The following NRG3 variants were observed in gnomAD, a reference collection of about 807,000 sequenced individuals.
The protein encoded by NRG3 is pro-neuregulin-3, membrane-bound isoform.
In NRG3, 31 loss-of-function variants were observed where a neutral mutation model predicts 66.9. The ratio of observed to expected loss-of-function variants is 0.46; its 90% CI spans 0.35 to 0.63. The LOEUF (loss-of-function observed/expected upper bound fraction) is 0.63. Ranked by LOEUF, NRG3 falls within the 20% of genes least tolerant of loss-of-function variation. The pLI is 0.00. For missense variants in NRG3, 910 were observed against 878.9 expected (o/e 1.04, Z -0.45); for synonymous variants, 393 against 359.4 (o/e 1.09, Z -1.06).
At chr10:81,899,793 G>A (rs56771040) in intron 1 of NRG3, among the ~76,000 whole-genome samples, 2 of 152,096 alleles carry the variant, frequency 1.3e-5, no homozygotes, top group African/African-American at 2.4e-5. Context: ...ACACTCGGGC[G>A]AAGTCTGTGG....
chr10:82,013,562 G>A (rs1344781741), intron 1 of NRG3, among the ~76,000 whole-genome samples: 6 of 151,878 alleles, frequency 4.0e-5, no homozygotes, highest in Non-Finnish European at 1.5e-5. Flanking sequence ...GAGACTTTAA[G>A]TATTCATGTC....
intron 1 of NRG3, among the ~76,000 whole-genome samples, chr10:82,091,794 C>T (rs1355703500): frequency 1.3e-5 from 2 of 152,178 alleles, no homozygotes; most frequent in East Asian, 3.9e-4. Flanking sequence ...TCTAATTTCT[C>T]CACGTTCTCA....
At chr10:81,898,438 T>C (rs905127423) in intron 1 of NRG3, among the ~76,000 whole-genome samples, 1 of 152,234 alleles carries the variant, frequency 6.6e-6, no homozygotes, top group African/African-American at 2.4e-5. Context: ...TCCCTGCAAC[T>C]GTCAGACTCA....
intron 4 of NRG3, among the ~76,000 whole-genome samples, chr10:82,932,188 G>A (rs1847641436): frequency 6.6e-6 from 1 of 152,066 alleles, no homozygotes; most frequent in Non-Finnish European, 1.5e-5. Context: ...TCCTCTCTAT[G>A]GCGGCTGTTT....
chr10:82,163,970 G>C (rs914792180), intron 1 of NRG3, among the ~76,000 whole-genome samples: 1 of 150,906 alleles, frequency 6.6e-6, no homozygotes, highest in East Asian at 2.0e-4. Flanking sequence ...GCCCAGGTTG[G>C]AGTGGAGTGG....
chr10:82,549,278 A>G (rs2044144810), intron 2 of NRG3, among the ~76,000 whole-genome samples: 1 of 152,348 alleles, frequency 6.6e-6, no homozygotes, highest in South Asian at 2.1e-4. Flanking sequence ...TGAGTTTAAG[A>G]GCAGGTTAAC....
At chr10:82,093,979 T>A (rs182901931) in intron 1 of NRG3, among the ~76,000 whole-genome samples, 419 of 152,288 alleles carry the variant, frequency 2.8e-3, no homozygotes, top group African/African-American at 9.7e-3. Flanking sequence ...ATGTAAAGCC[T>A]CTTCATAGTT....
Position 81,969,473 on chromosome 10 carries a change from CAGAG to C in NRG3, c.823+93321_823+93324del, listed in dbSNP as rs141058138. Among the ~76,000 whole-genome samples, 70 of 150,470 alleles carry C rather than the reference CAGAG, an allele frequency of 4.7e-4. 1 individual carries two copies. The highest frequency in any genetic ancestry group is 1.6e-3 in the African/African-American group (67 of 41,256). Reference sequence around the variant, plus strand: ...AGACAGGAGGGACGAGCAGGGGGAGCAGAGAGAGAGAGAGGAAACAGGCTTCTTG... The same window carrying C: ...AGACAGGAGGGACGAGCAGGGGGAGCAGAGAGAGAGGAAACAGGCTTCTTG... On this transcript the variant is annotated intron_variant, in intron 1 of 8. Transcript: ENST00000372141.
chr10:82,668,016 G>A (rs531470320), intron 2 of NRG3, among the ~76,000 whole-genome samples: 1 of 152,068 alleles, frequency 6.6e-6, no homozygotes, highest in African/African-American at 2.4e-5. Flanking sequence ...GCTCACCAAC[G>A]CAGTTTTTCA....
chr10:82,672,006 T>C (rs2053317588), intron 2 of NRG3, among the ~76,000 whole-genome samples: 3 of 152,228 alleles, frequency 2.0e-5, no homozygotes, highest in Admixed American at 2.0e-4. Flanking sequence ...GGGCCTGAAC[T>C]CTTCTGTTTT....
chr10:82,472,906 T>C (rs1432208336), intron 2 of NRG3, among the ~76,000 whole-genome samples: 1 of 152,198 alleles, frequency 6.6e-6, no homozygotes, highest in Non-Finnish European at 1.5e-5. Context: ...AATGCTGCCT[T>C]TTCTGTGGGT....
intron 1 of NRG3, among the ~76,000 whole-genome samples, chr10:82,310,668 C>T (rs140230775): frequency 6.6e-5 from 10 of 151,764 alleles, no homozygotes; most frequent in Non-Finnish European, 1.3e-4. Context: ...TTTTTCATTG[C>T]GAAATACCGT....
At chr10:82,508,593 G>T (rs946265654) in intron 2 of NRG3, among the ~76,000 whole-genome samples, 3 of 152,162 alleles carry the variant, frequency 2.0e-5, no homozygotes, top group Non-Finnish European at 4.4e-5. Flanking sequence ...ACTCCACAAA[G>T]GTTGGTGGAC....
intron 1 of NRG3, among the ~76,000 whole-genome samples, chr10:82,096,127 C>T (rs2066325488): frequency 1.3e-5 from 2 of 152,134 alleles, no homozygotes; most frequent in Non-Finnish European, 2.9e-5. Flanking sequence ...AGCATGGAAT[C>T]TGTAAGAAAA....
At chr10:82,319,055 A>G (rs992040654) in intron 1 of NRG3, among the ~76,000 whole-genome samples, 1 of 152,216 alleles carries the variant, frequency 6.6e-6, no homozygotes, top group Non-Finnish European at 1.5e-5. Flanking sequence ...GAGAACAAAA[A>G]CCCACCAAAT....
rs973352309 is a variant in NRG3 at position 82,813,503 on chromosome 10, C to T, written c.1028-51908C>T. ...TGGTGGGATTACAGATGTGAGCCAC[C>T]GTGCCCAGCCTGTACCTTTTTAAAT... On this transcript the variant is annotated intron_variant, in intron 3 of 8. Coordinates refer to ENST00000372141, the MANE Select transcript of NRG3 (RefSeq NM_001010848.4). 3.9e-5 allele frequency among the ~76,000 whole-genome samples: 6 copies of T among 152,064 alleles called. No homozygotes were observed. The East Asian group carries it at 5.8e-4, about 15-fold the overall frequency.
rs74571020 is a variant in NRG3 at position 82,741,663 on chromosome 10, C to T, written c.1027+3013C>T. Among the ~76,000 whole-genome samples the T allele has an allele frequency of 3.5e-3, 538 of 152,154 alleles. 5 individuals carry two copies. The highest frequency in any genetic ancestry group is 0.012 in the African/African-American group (510 of 41,524). On this transcript the variant is annotated intron_variant, in intron 3 of 8. Transcript: ENST00000372141. ...CATTTTATAGATGAGAAAATTAGAC[C>T]TCAGGGAAGCTAAGTAAACTTGCTC...
intron 1 of NRG3, among the ~76,000 whole-genome samples, chr10:82,317,275 A>T (rs1243502232): frequency 6.6e-6 from 1 of 151,850 alleles, no homozygotes; most frequent in Non-Finnish European, 1.5e-5. Context: ...TAGTTTGCCA[A>T]GCTAAAGATT....
intron 1 of NRG3, among the ~76,000 whole-genome samples, chr10:81,965,682 C>A (rs2059705303): frequency 6.6e-6 from 1 of 152,056 alleles, no homozygotes; most frequent in Non-Finnish European, 1.5e-5. Context: ...CAAATGGGAT[C>A]TTAATAGCAT....
Sources: gnomAD v4.1 joint callset for allele counts (sites outside exome capture counted in the v4.1 genomes callset) on GRCh38, gnomAD v4.1.1 for gene constraint, MANE v1.5 for transcripts, NCBI Gene and HGNC (gene_info 2026-07-23, HGNC 2026-07-21) for gene names.